The following CLEC1A variants were observed in gnomAD, a reference collection of about 807,000 sequenced individuals.
The protein encoded by CLEC1A is C-type lectin domain family 1 member A.
Under a neutral mutation model 28.7 loss-of-function variants are expected in CLEC1A, and 34 were observed. The ratio of observed to expected loss-of-function variants is 1.18; its 90% CI spans 0.90 to 1.57. The LOEUF (loss-of-function observed/expected upper bound fraction) is 1.57, where lower values mean the gene tolerates loss of function less well. Among genes scored for constraint, CLEC1A ranks in the 40% most tolerant of loss-of-function variants. The pLI, the probability that CLEC1A is intolerant of heterozygous loss-of-function variation, is 0.00. For synonymous variants in CLEC1A, 116 were observed against 121.0 expected, an observed-to-expected ratio of 0.96 and a Z score of 0.27; for missense variants, 385 against 339.5, an observed-to-expected ratio of 1.13 and a Z score of -1.05.
chr12:10,069,805 G>A lies in CLEC1A; in HGVS notation c.*1528C>T, dbSNP rs1407415098. 6.6e-6 allele frequency: 1 copy of A among 152,270 alleles called. No homozygotes were observed. Among genetic ancestry groups the A allele is most frequent in the Admixed American group, 6.5e-5 (1 of 15,288 alleles). The allele number at this position is 152,270 out of a possible 1,614,324, so 9.4% of individuals were successfully genotyped here. Reference sequence around the variant, plus strand: ...AAATCAACAGAAAATTGAAAGGAAAGTTCTCAAGGAAGAATCCGCAATAGT... The same window carrying A: ...AAATCAACAGAAAATTGAAAGGAAAATTCTCAAGGAAGAATCCGCAATAGT... On this transcript the variant is annotated 3_prime_UTR_variant, in exon 6 of 6. Transcript: ENST00000315330.
At chr12:10,083,928 AAGG>A (rs1466070449) in intron 2 of CLEC1A, among the ~76,000 whole-genome samples, 1 of 152,232 alleles carries the variant, frequency 6.6e-6, no homozygotes, top group Non-Finnish European at 1.5e-5. Context: ...AGACTAGAAC[AAGG>A]AGAAGAGAGA....
chr12:10,098,183 C>T (rs891611419), intron 1 of CLEC1A, among the ~76,000 whole-genome samples: 1 of 151,958 alleles, frequency 6.6e-6, no homozygotes, highest in African/African-American at 2.4e-5. Flanking sequence ...TTCCTTTCAA[C>T]ATTCCATTTC....
At chr12:10,078,683 T>C (rs567528330) in intron 3 of CLEC1A, among the ~76,000 whole-genome samples, 8 of 152,176 alleles carry the variant, frequency 5.3e-5, no homozygotes, top group Non-Finnish European at 1.2e-4. Context: ...ATAAGGAACG[T>C]TGGGGGCCAA....
chr12:10,077,803 T>C (rs79830725), intron 3 of CLEC1A, among the ~76,000 whole-genome samples: 1,644 of 152,298 alleles, frequency 0.011, 10 homozygotes, highest in Non-Finnish European at 0.017. Flanking sequence ...TCCTTTATTT[T>C]TGCTGTGTTT....
chr12:10,076,340 A>AT (rs1161421969), intron 3 of CLEC1A, among the ~76,000 whole-genome samples: 1 of 152,208 alleles, frequency 6.6e-6, no homozygotes, highest in African/African-American at 2.4e-5. Context: ...AACCCAAGTC[A>AT]TATCTATAAC....
chr12:10,098,044 TAAGG>T (rs1330104717), intron 1 of CLEC1A, among the ~76,000 whole-genome samples: 4 of 125,736 alleles, frequency 3.2e-5, no homozygotes, highest in African/African-American at 9.6e-5. Flanking sequence ...GATAAAGAAA[TAAGG>T]AACAGGATAG....
At chr12:10,075,290 C>A (rs1029775043) in intron 4 of CLEC1A, among the ~76,000 whole-genome samples, 1 of 152,132 alleles carries the variant, frequency 6.6e-6, no homozygotes, top group African/African-American at 2.4e-5. Context: ...TGATATTGCT[C>A]ATCTTCCTAA....
In CLEC1A at chr12:10,098,876, C is replaced by T. The variant is rs746190392; in HGVS notation, c.47G>A (p.Gly16Glu). 3.7e-6 allele frequency: 6 copies of T among 1,613,520 alleles called. No individual in the cohort carries two copies. The highest frequency in any genetic ancestry group is 1.7e-5 in the Admixed American group (1 of 59,998). ...AGAATGCAGGCTCATGGTGGTGTCC[C>T]CATCATCATCCAGCATGTCCCTCGT... ...SSTRDMLDDD[G>E]DTTMSLHSQG... Residue 16 changes from glycine to glutamate, a missense_variant, in exon 1 of 6, where the codon GGG becomes GAG. Physicochemically the swap from Gly to Glu is moderately conservative, Grantham distance 98. Transcript: ENST00000315330.
chr12:10,079,827 A>G (rs1048861845), intron 3 of CLEC1A, among the ~76,000 whole-genome samples: 76 of 152,218 alleles, frequency 5.0e-4, no homozygotes, highest in African/African-American at 1.8e-3. Flanking sequence ...TTAAAAAAAA[A>G]AATTAAAAAT....
At chr12:10,092,259 T>C (rs940438698) in intron 1 of CLEC1A, among the ~76,000 whole-genome samples, 1 of 152,208 alleles carries the variant, frequency 6.6e-6, no homozygotes, top group Non-Finnish European at 1.5e-5. Context: ...ATCTCATCAC[T>C]TTGGAATCCT....
At chr12:10,077,580 T>C (rs1866278002) in intron 3 of CLEC1A, among the ~76,000 whole-genome samples, 1 of 152,196 alleles carries the variant, frequency 6.6e-6, no homozygotes, top group South Asian at 2.1e-4. Flanking sequence ...GTACACTTTC[T>C]ATGAACTCTC....
In CLEC1A at chr12:10,078,031, C is replaced by A. The variant is rs887304043; in HGVS notation, c.392-2376G>T. 7.2e-5 allele frequency among the ~76,000 whole-genome samples: 11 copies of A among 152,220 alleles called. 1 individual carries two copies. In the South Asian group the frequency reaches 8.3e-4, roughly 11 times the overall value. Reference sequence around the variant, plus strand: ...CATTTCTCACACATCAATTTATATCCCATCATGCCATCATTTCCACAAACA... The same window carrying A: ...CATTTCTCACACATCAATTTATATCACATCATGCCATCATTTCCACAAACA... On this transcript the variant is annotated intron_variant, in intron 3 of 5. Coordinates refer to ENST00000315330, the MANE Select transcript of CLEC1A (RefSeq NM_016511.4).
At chr12:10,092,429 C>T (rs1023201303) in intron 1 of CLEC1A, 9 of 387,414 alleles carry the variant, frequency 2.3e-5, no homozygotes, top group Non-Finnish European at 4.1e-5. Flanking sequence ...CACCTGTAGT[C>T]GCAGCTACTC....
At chr12:10,082,959 G>A (rs1205596470) in intron 2 of CLEC1A, among the ~76,000 whole-genome samples, 2 of 152,220 alleles carry the variant, frequency 1.3e-5, no homozygotes, top group Admixed American at 1.3e-4. Context: ...CACACAGTCT[G>A]CTTCACCTCC....
intron 1 of CLEC1A, among the ~76,000 whole-genome samples, chr12:10,090,117 G>T (rs1866582417): frequency 6.6e-6 from 1 of 152,152 alleles, no homozygotes; most frequent in Non-Finnish European, 1.5e-5. Flanking sequence ...CAAAGAGAGA[G>T]TGAAACCCTC....
chr12:10,071,765 A>G (rs1370648061), intron 5 of CLEC1A, among the ~76,000 whole-genome samples: 3 of 152,198 alleles, frequency 2.0e-5, no homozygotes, highest in South Asian at 2.1e-4. Context: ...CCAAATTTAT[A>G]TAGTGTTTCT....
At chr12:10,081,216 G>C in intron 3 of CLEC1A, 21 bp downstream of exon 3, 1 of 1,526,762 alleles carries the variant, frequency 6.5e-7, no homozygotes, top group Non-Finnish European at 8.8e-7. Context: ...CATGGGGACA[G>C]AGTGACCAGG....
intron 5 of CLEC1A, among the ~76,000 whole-genome samples, chr12:10,072,806 C>A (rs1240088871): frequency 1.3e-5 from 2 of 152,176 alleles, no homozygotes; most frequent in African/African-American, 4.8e-5. Flanking sequence ...TGGCCGGGTG[C>A]GGTGGCTCAT....
At chr12:10,072,179 C>G (rs1285458311) in intron 5 of CLEC1A, among the ~76,000 whole-genome samples, 1 of 152,098 alleles carries the variant, frequency 6.6e-6, no homozygotes, top group Non-Finnish European at 1.5e-5. Flanking sequence ...AACCTCCCCC[C>G]AGCCCCTTCT....
Sources: allele counts gnomAD v4.1 joint callset (sites outside exome capture counted in the v4.1 genomes callset), GRCh38; gene constraint gnomAD v4.1.1; transcripts MANE v1.5; gene names NCBI Gene and HGNC (gene_info 2026-07-23, HGNC 2026-07-21).